NEBL: variants seen among roughly 807,000 people sequenced by gnomAD.
NEBL encodes the protein nebulette, also known as LIM and SH3 protein 2.
A neutral mutation model predicts 140.2 loss-of-function variants in NEBL; 122 were observed. That is an observed-to-expected ratio of 0.87 (90% confidence interval 0.75 to 1.01). NEBL has a LOEUF of 1.01. NEBL is among the 50% of genes least tolerant of loss of function. The pLI, the probability that NEBL is intolerant of heterozygous loss-of-function variation, is 0.00. For synonymous variants in NEBL, 436 were observed against 398.9 expected (o/e 1.09, Z -1.11); for missense variants, 1,365 against 1,231.3 (o/e 1.11, Z -1.62).
intron 19 of NEBL, 81 bp downstream of exon 19, chr10:20,823,127 T>G: frequency 9.6e-7 from 1 of 1,046,584 alleles, no homozygotes. Flanking sequence ...GTGATGGCAT[T>G]TGACCTGTAC....
intron 3 of NEBL, among the ~76,000 whole-genome samples, chr10:21,226,201 G>A (rs1415913484): frequency 1.3e-5 from 2 of 151,864 alleles, no homozygotes; most frequent in African/African-American, 2.4e-5. Context: ...CCGAAATTGG[G>A]GCCTCAGGAC....
At chr10:21,233,333 C>T (rs1842291052) in intron 3 of NEBL, among the ~76,000 whole-genome samples, 1 of 152,098 alleles carries the variant, frequency 6.6e-6, no homozygotes, top group South Asian at 2.1e-4. Context: ...CAGGCATGAG[C>T]CACTGCACCC....
intron 14 of NEBL, among the ~76,000 whole-genome samples, chr10:20,832,053 C>G (rs532047367): frequency 1.3e-5 from 2 of 152,092 alleles, no homozygotes; most frequent in Non-Finnish European, 2.9e-5. Flanking sequence ...AACCATCCAG[C>G]TTCGGTGAGA....
At chr10:21,147,724 AT>A (rs972753638) in intron 2 of NEBL, among the ~76,000 whole-genome samples, 3 of 152,208 alleles carry the variant, frequency 2.0e-5, no homozygotes, top group Non-Finnish European at 2.9e-5. Flanking sequence ...TGTCCAGAAC[AT>A]TCTATCTGGT....
At chr10:20,888,600 C>T (rs970257042) in intron 3 of NEBL, among the ~76,000 whole-genome samples, 2 of 152,142 alleles carry the variant, frequency 1.3e-5, no homozygotes, top group African/African-American at 2.4e-5. Flanking sequence ...TTCTTTTATT[C>T]AGGTCTTCTC....
intron 3 of NEBL, among the ~76,000 whole-genome samples, chr10:20,973,538 T>C (rs994018545): frequency 1.3e-5 from 2 of 152,190 alleles, no homozygotes; most frequent in African/African-American, 2.4e-5. Flanking sequence ...ACATAAGCCA[T>C]CGCTCCCAGA....
chr10:21,182,125 A>G (rs1218224213), intron 3 of NEBL, among the ~76,000 whole-genome samples: 1 of 151,768 alleles, frequency 6.6e-6, no homozygotes, highest in Non-Finnish European at 1.5e-5. Flanking sequence ...ATAAACTAAA[A>G]TTTAACCACG....
At chr10:20,841,550 T>A (rs1841411240) in intron 12 of NEBL, 1 of 152,312 alleles carries the variant, frequency 6.6e-6, no homozygotes, top group South Asian at 2.1e-4. Context: ...ACATTCATGA[T>A]GATGAATGGA....
intron 3 of NEBL, among the ~76,000 whole-genome samples, chr10:21,185,057 CA>C (rs2132209720): frequency 6.6e-6 from 1 of 152,314 alleles, no homozygotes; most frequent in South Asian, 2.1e-4. Flanking sequence ...GATCAGCCTC[CA>C]TCTGATTCAA....
intron 3 of NEBL, among the ~76,000 whole-genome samples, chr10:21,010,658 A>C (rs2131739001): frequency 6.6e-6 from 1 of 152,340 alleles, no homozygotes; most frequent in Admixed American, 6.5e-5. Context: ...ACATTTCATA[A>C]AAGTATACAA....
intron 3 of NEBL, among the ~76,000 whole-genome samples, chr10:21,230,022 G>T (rs1488051619): frequency 6.6e-6 from 1 of 152,198 alleles, no homozygotes; most frequent in Non-Finnish European, 1.5e-5. Context: ...TCTTTCTCCA[G>T]TTCATGGTTC....
intron 26 of NEBL, among the ~76,000 whole-genome samples, chr10:20,805,686 C>G (rs1837549041): frequency 6.6e-6 from 1 of 152,080 alleles, no homozygotes; most frequent in African/African-American, 2.4e-5. Context: ...AACCCCATCT[C>G]TACTAAAAAT....
chr10:20,815,756 C>A, intron 21 of NEBL, 39 bp from the exon 22 acceptor site: 1 of 1,342,910 alleles, frequency 7.4e-7, no homozygotes, highest in Non-Finnish European at 1.1e-6. Flanking sequence ...TACTATGAAT[C>A]AATTCAACAA....
intron 4 of NEBL, among the ~76,000 whole-genome samples, chr10:20,940,640 A>T (rs1426563739): frequency 1.4e-5 from 2 of 141,734 alleles, no homozygotes; most frequent in East Asian, 4.0e-4. Context: ...ATCAATGAAC[A>T]CAAGGAGCTG....
chr10:21,041,871 G>A (rs1405083712), intron 2 of NEBL, among the ~76,000 whole-genome samples: 2 of 152,148 alleles, frequency 1.3e-5, no homozygotes, highest in Admixed American at 6.5e-5. Context: ...GTAATTTCCC[G>A]ATGTTGTCAT....
At position 20,823,139 on chromosome 10, in the gene NEBL, G is replaced by T. The variant is rs41277366; in HGVS notation, c.1962+69C>A. The T allele has an allele frequency of 3.9e-3, 4,560 of 1,179,286 alleles. 15 individuals carry two copies. The highest frequency in any genetic ancestry group is 4.6e-3 in the South Asian group (358 of 77,944). The allele number at this position is 1,179,286 out of a possible 1,614,324, so 73.1% of individuals were successfully genotyped here. On this transcript the variant is annotated intron_variant, in intron 19 of 27. Coordinates refer to ENST00000377122, the MANE Select transcript of NEBL (RefSeq NM_006393.3). ...ATTGTGATGGCATTTGACCTGTACA[G>T]GTTTTATGCTGTCATTACGTGTTGA...
chr10:21,157,397 C>T (rs923760341), intron 2 of NEBL, among the ~76,000 whole-genome samples: 6 of 151,920 alleles, frequency 3.9e-5, no homozygotes, highest in African/African-American at 4.8e-5. Flanking sequence ...TGGTGAAACC[C>T]GTCTCTACCA....
At chr10:21,003,804 C>T (rs12248713) in intron 3 of NEBL, among the ~76,000 whole-genome samples, 24,284 of 152,144 alleles carry the variant, frequency 0.16, 2,851 homozygotes, top group African/African-American at 0.33. Flanking sequence ...TTTGCTTAAA[C>T]TATTCAATTA....
chr10:21,254,306 T>C (rs1207959374), intron 1 of NEBL, among the ~76,000 whole-genome samples: 1 of 151,978 alleles, frequency 6.6e-6, no homozygotes, highest in African/African-American at 2.4e-5. Context: ...CCCAGCTAAG[T>C]TGTTTTTGTA....
Sources: gnomAD v4.1 joint callset for allele counts (sites outside exome capture counted in the v4.1 genomes callset) on GRCh38, gnomAD v4.1.1 for gene constraint, MANE v1.5 for transcripts, NCBI Gene and HGNC (gene_info 2026-07-23, HGNC 2026-07-21) for gene names.